Variants in NPAS3 observed in about 807,000 individuals in gnomAD.
NPAS3 encodes the protein neuronal PAS domain protein 3.
In NPAS3, 14 loss-of-function variants were observed where a neutral mutation model predicts 73.1. That is an observed-to-expected ratio of 0.19 (90% CI 0.13 to 0.30). The LOEUF (loss-of-function observed/expected upper bound fraction) is 0.30, where lower values mean the gene tolerates loss of function less well. Ranked by LOEUF, NPAS3 falls within the 10% of genes least tolerant of loss-of-function variation. NPAS3 has a pLI of 1.00. For missense variants in NPAS3, 1,096 were observed against 1,250.0 expected (o/e 0.88, Z 1.86); for synonymous variants, 620 against 541.5 (o/e 1.14, Z -2.01).
intron 5 of NPAS3, among the ~76,000 whole-genome samples, chr14:33,605,980 C>A (rs2057546975): frequency 6.6e-6 from 1 of 152,044 alleles, no homozygotes; most frequent in East Asian, 1.9e-4. Context: ...TATTAAAAAT[C>A]CACAGTAATC....
chr14:33,221,739 G>A (rs1594432636), intron 3 of NPAS3, among the ~76,000 whole-genome samples: 2 of 151,900 alleles, frequency 1.3e-5, no homozygotes, highest in African/African-American at 4.8e-5. Flanking sequence ...TCTTTCTATC[G>A]CCACTATTAC....
chr14:33,690,526 C>T (rs907999535), intron 6 of NPAS3, among the ~76,000 whole-genome samples: 34 of 152,050 alleles, frequency 2.2e-4, no homozygotes, highest in African/African-American at 8.0e-4. Context: ...CCTGAGCCAT[C>T]CAGTCGCTCC....
intron 5 of NPAS3, among the ~76,000 whole-genome samples, chr14:33,637,419 T>TAAC: frequency 6.6e-6 from 1 of 152,364 alleles, no homozygotes; most frequent in East Asian, 1.9e-4. Context: ...GAGTCCATTA[T>TAAC]AACTAATTTT....
chr14:32,955,003 G>A (rs944406883), intron 1 of NPAS3, among the ~76,000 whole-genome samples: 1 of 152,068 alleles, frequency 6.6e-6, no homozygotes, highest in African/African-American at 2.4e-5. Context: ...TGTAAATTAT[G>A]GTGGCATGGG....
chr14:33,577,841 T>C (rs982419452), intron 5 of NPAS3, among the ~76,000 whole-genome samples: 6 of 152,232 alleles, frequency 3.9e-5, no homozygotes, highest in African/African-American at 9.6e-5. Context: ...TCCTGAGCCA[T>C]AGTCCTTACG....
At chr14:33,487,013 A>G (rs2051638001) in intron 4 of NPAS3, among the ~76,000 whole-genome samples, 1 of 152,146 alleles carries the variant, frequency 6.6e-6, no homozygotes. Context: ...CGAGGTGAAG[A>G]AAAGTCAAAC....
At chr14:33,394,865 T>C (rs1259734079) in intron 4 of NPAS3, among the ~76,000 whole-genome samples, 2 of 152,156 alleles carry the variant, frequency 1.3e-5, no homozygotes, top group East Asian at 3.9e-4. Flanking sequence ...ATGCTTAACA[T>C]ATATTCCAAA....
At chr14:33,226,127 A>G (rs1305919476) in intron 3 of NPAS3, among the ~76,000 whole-genome samples, 2 of 152,186 alleles carry the variant, frequency 1.3e-5, no homozygotes, top group Admixed American at 6.5e-5. Context: ...CAGTGGTATC[A>G]TTTGGCTTAT....
chr14:33,507,330 T>C (rs1398805302), intron 4 of NPAS3, among the ~76,000 whole-genome samples: 1 of 152,008 alleles, frequency 6.6e-6, no homozygotes, highest in Non-Finnish European at 1.5e-5. Flanking sequence ...TGTGATCAAA[T>C]AGAAATAGAA....
At chr14:33,225,662 T>A (rs928184753) in intron 3 of NPAS3, among the ~76,000 whole-genome samples, 4 of 152,218 alleles carry the variant, frequency 2.6e-5, no homozygotes, top group African/African-American at 9.6e-5. Context: ...TGAAATATTA[T>A]TCTTAAGAGT....
chr14:33,793,422 T>C (rs1411449685), intron 9 of NPAS3, among the ~76,000 whole-genome samples: 4 of 152,130 alleles, frequency 2.6e-5, no homozygotes, highest in Non-Finnish European at 5.9e-5. Flanking sequence ...AGGACGCGGG[T>C]TGAGATTGCT....
At chr14:33,162,699 G>A (rs761270820) in intron 2 of NPAS3, among the ~76,000 whole-genome samples, 19 of 151,814 alleles carry the variant, frequency 1.3e-4, no homozygotes, top group Non-Finnish European at 1.9e-4. Flanking sequence ...CAAGAGGAGC[G>A]TCTACACTGC....
chr14:33,703,371 A>T (rs1053461405), intron 6 of NPAS3, among the ~76,000 whole-genome samples: 2 of 152,090 alleles, frequency 1.3e-5, no homozygotes, highest in Non-Finnish European at 2.9e-5. Flanking sequence ...GCATGTACCT[A>T]TAGTCCCAGA....
intron 2 of NPAS3, among the ~76,000 whole-genome samples, chr14:33,198,818 C>G (rs376509347): frequency 6.6e-6 from 1 of 152,194 alleles, no homozygotes; most frequent in Non-Finnish European, 1.5e-5. Context: ...GCTCGGGCCA[C>G]GCTGGAGCCC....
chr14:33,016,510 AAG>A (rs2039398607), intron 1 of NPAS3, among the ~76,000 whole-genome samples: 1 of 152,014 alleles, frequency 6.6e-6, no homozygotes, highest in African/African-American at 2.4e-5. Flanking sequence ...CCCAAAGAAA[AAG>A]AGAGTGGTTG....
intron 3 of NPAS3, among the ~76,000 whole-genome samples, chr14:33,263,738 T>C (rs1014521543): frequency 2.6e-5 from 4 of 152,236 alleles, no homozygotes; most frequent in African/African-American, 9.7e-5. Flanking sequence ...TGATACTGAT[T>C]CTTCCTACCC....
At chr14:33,447,622 G>T (rs899468507) in intron 4 of NPAS3, among the ~76,000 whole-genome samples, 1 of 152,102 alleles carries the variant, frequency 6.6e-6, no homozygotes, top group South Asian at 2.1e-4. Context: ...GCAGGGGTGA[G>T]AACAGAATTG....
intron 3 of NPAS3, among the ~76,000 whole-genome samples, chr14:33,238,091 T>G (rs1384548041): frequency 1.3e-5 from 2 of 151,946 alleles, no homozygotes; most frequent in Non-Finnish European, 2.9e-5. Context: ...GGCAAATGAT[T>G]GATAAATTCA....
chr14:33,250,506 G>A (rs183344069), intron 3 of NPAS3, among the ~76,000 whole-genome samples: 58 of 152,198 alleles, frequency 3.8e-4, no homozygotes, highest in African/African-American at 1.3e-3. Flanking sequence ...CATCAGTAAA[G>A]CTTACGATCA....
Sources: allele counts gnomAD v4.1 joint callset (sites outside exome capture counted in the v4.1 genomes callset), GRCh38; gene constraint gnomAD v4.1.1; transcripts MANE v1.5; gene names NCBI Gene and HGNC (gene_info 2026-07-23, HGNC 2026-07-21).